The following LRRTM4 variants were observed in gnomAD, a reference collection of about 807,000 sequenced individuals.
The protein encoded by LRRTM4 is leucine-rich repeat transmembrane neuronal protein 4.
LRRTM4 carries 25 observed loss-of-function variants against 47.6 expected under a neutral mutation model. The ratio of observed to expected loss-of-function variants is 0.53; its 90% CI spans 0.38 to 0.73. The LOEUF (loss-of-function observed/expected upper bound fraction) is 0.73. LRRTM4 is among the 30% of genes least tolerant of loss of function. The probability of loss-of-function intolerance (pLI) is 0.00; values close to 1 mark genes in which losing one functional copy is unlikely to be tolerated. For synonymous variants in LRRTM4, 311 were observed against 269.5 expected (o/e 1.15, Z -1.51); for missense variants, 638 against 713.4 (o/e 0.89, Z 1.20).
intron 3 of LRRTM4, among the ~76,000 whole-genome samples, chr2:77,009,968 C>CT (rs1334642272): frequency 1.5e-4 from 22 of 145,594 alleles, no homozygotes; most frequent in African/African-American, 3.3e-4. Context: ...GGGCAGGACC[C>CT]TTTTTTTAAA....
intron 3 of LRRTM4, among the ~76,000 whole-genome samples, chr2:77,084,508 T>C (rs1433822667): frequency 6.6e-6 from 1 of 152,234 alleles, no homozygotes; most frequent in African/African-American, 2.4e-5. Flanking sequence ...ACTTAATATT[T>C]CCATATTTAC....
chr2:77,293,809 C>G (rs570182290), intron 3 of LRRTM4, among the ~76,000 whole-genome samples: 2 of 152,230 alleles, frequency 1.3e-5, no homozygotes, highest in African/African-American at 2.4e-5. Context: ...CCCTTCCCTA[C>G]TATGGTAAGC....
At chr2:76,841,042 T>C (rs1021268897) in intron 3 of LRRTM4, among the ~76,000 whole-genome samples, 1 of 149,084 alleles carries the variant, frequency 6.7e-6, no homozygotes, top group African/African-American at 2.5e-5. Context: ...CCAACAATGA[T>C]AGACTGGATT....
chr2:77,519,922 T>C lies in LRRTM4; in HGVS notation c.5-58A>G, dbSNP rs542112051. 118 of 1,478,970 alleles carry C rather than the reference T, an allele frequency of 8.0e-5. No individual in the cohort carries two copies. The South Asian group carries it at 1.4e-3, about 18-fold the overall frequency. 91.6% of individuals were successfully genotyped at this position (1,478,970 alleles called of 1,614,324 possible). ...GTGAAGCTATTAAAATAAATCACCG[T>C]CGGTTTACCAACAACAGGGGCATTT... On this transcript the variant is annotated intron_variant, in intron 2 of 3. Transcript: ENST00000409884. The surrounding 1 kb of genome is among the most constrained non-coding windows in gnomAD (Gnocchi z 4.6).
At chr2:76,964,312 G>A (rs1227500434) in intron 3 of LRRTM4, among the ~76,000 whole-genome samples, 1 of 151,018 alleles carries the variant, frequency 6.6e-6, no homozygotes, top group Non-Finnish European at 1.5e-5. Context: ...TGTCTGCTTT[G>A]TTGAGTGTAA....
intron 3 of LRRTM4, among the ~76,000 whole-genome samples, chr2:77,362,837 G>T (rs1453088636): frequency 6.6e-6 from 1 of 152,094 alleles, no homozygotes; most frequent in Non-Finnish European, 1.5e-5. Context: ...ATGCCTGTAG[G>T]ATTGAGAGTA....
chr2:76,911,886 C>G (rs1674070429), intron 3 of LRRTM4, among the ~76,000 whole-genome samples: 1 of 146,030 alleles, frequency 6.8e-6, no homozygotes, highest in Non-Finnish European at 1.5e-5. Flanking sequence ...AAATTCTCCA[C>G]AACCCTACTA....
At chr2:77,343,111 G>A (rs544219988) in intron 3 of LRRTM4, among the ~76,000 whole-genome samples, 5 of 151,924 alleles carry the variant, frequency 3.3e-5, no homozygotes, top group Non-Finnish European at 7.4e-5. Flanking sequence ...CCCCCAGGTC[G>A]TTTGAGGTAA....
rs573436426 is a variant in LRRTM4 at position 77,096,769 on chromosome 2, A to C, written c.1552-347853T>G. Among the ~76,000 whole-genome samples, 153 of 151,836 alleles carry C rather than the reference A, an allele frequency of 1.0e-3. 2 individuals carry two copies. Among genetic ancestry groups the C allele is most frequent in the African/African-American group, 3.3e-3 (136 of 41,558 alleles). On this transcript the variant is annotated intron_variant, in intron 3 of 3. Coordinates refer to ENST00000409884, the MANE Select transcript of LRRTM4 (RefSeq NM_001134745.3). ...TATTGGGAAAAATGAATAAATTTGT[A>C]ATCAATTCAAAAGGAGGAATAATTA... is the stretch of plus-strand genomic sequence containing the variant.
At chr2:76,911,937 G>T (rs1258611631) in intron 3 of LRRTM4, among the ~76,000 whole-genome samples, 267 of 8,824 alleles carry the variant, frequency 0.03, 4 homozygotes, top group African/African-American at 0.063. Flanking sequence ...GTGCTTTTTG[G>T]GGGGGGGGGG....
chr2:77,210,899 G>A (rs1240257265), intron 3 of LRRTM4, among the ~76,000 whole-genome samples: 3 of 152,130 alleles, frequency 2.0e-5, no homozygotes, highest in Non-Finnish European at 2.9e-5. Flanking sequence ...GTAGTGTCAG[G>A]TGAGTACAGG....
intron 3 of LRRTM4, among the ~76,000 whole-genome samples, chr2:76,944,892 T>G (rs1573350604): frequency 6.6e-6 from 1 of 152,068 alleles, no homozygotes; most frequent in Non-Finnish European, 1.5e-5. Context: ...TACTCAGGAA[T>G]ATTTACCAGT....
chr2:77,422,305 C>G (rs1039616), intron 3 of LRRTM4, among the ~76,000 whole-genome samples: 65,130 of 151,984 alleles, frequency 0.43, 15,203 homozygotes, highest in African/African-American at 0.63. Flanking sequence ...TTTTGGTATT[C>G]ATTATTATGG....
intron 3 of LRRTM4, among the ~76,000 whole-genome samples, chr2:77,196,754 A>G (rs1166947918): frequency 6.6e-6 from 1 of 152,162 alleles, no homozygotes; most frequent in Non-Finnish European, 1.5e-5. Flanking sequence ...TAATAAATTA[A>G]ATAAAATAAA....
intron 3 of LRRTM4, among the ~76,000 whole-genome samples, chr2:77,246,384 A>G (rs766070968): frequency 1.3e-5 from 2 of 152,180 alleles, no homozygotes; most frequent in Non-Finnish European, 2.9e-5. Context: ...ACACACTACA[A>G]AGGTAAATAA....
At chr2:77,053,927 G>C (rs927181223) in intron 3 of LRRTM4, among the ~76,000 whole-genome samples, 5 of 152,108 alleles carry the variant, frequency 3.3e-5, no homozygotes, top group Non-Finnish European at 7.4e-5. Context: ...GTGAGTGGTA[G>C]ATAATTCAAA....
chr2:76,795,540 CATATACATGTATATGCAT>C (rs947552523), intron 3 of LRRTM4, among the ~76,000 whole-genome samples: 7 of 151,084 alleles, frequency 4.6e-5, no homozygotes, highest in Admixed American at 1.3e-4. Flanking sequence ...ATACCATATG[CATATACATGTATATGCAT>C]ATATACATGT....
Position 76,783,025 on chromosome 2 carries a change from G to C in LRRTM4, c.1552-34109C>G, listed in dbSNP as rs149227161. Among the ~76,000 whole-genome samples the C allele has an allele frequency of 6.3e-3, 963 of 151,792 alleles. 11 individuals are homozygous for C. Among genetic ancestry groups the C allele is most frequent in the African/African-American group, 0.022 (902 of 41,378 alleles). The stretch of plus-strand genomic sequence containing the variant: ...GTTCAGCCATATATATATATATAAA[G>C]CTGAACACACACACCTTAGAGATAC... On this transcript the variant is annotated intron_variant, in intron 3 of 3. Transcript: ENST00000409884.
intron 3 of LRRTM4, among the ~76,000 whole-genome samples, chr2:77,187,845 AT>A (rs1400871703): frequency 1.3e-5 from 2 of 152,044 alleles, no homozygotes; most frequent in East Asian, 3.9e-4. Flanking sequence ...GGGACAAAAA[AT>A]TAAATCATTT....
Sources: gnomAD v4.1 joint callset for allele counts (sites outside exome capture counted in the v4.1 genomes callset) on GRCh38, gnomAD v4.1.1 for gene constraint, Gnocchi (gnomAD v3.1) non-coding constraint, MANE v1.5 for transcripts, NCBI Gene and HGNC (gene_info 2026-07-23, HGNC 2026-07-21) for gene names.